Variants in ADAMTSL1 observed in about 807,000 individuals in gnomAD.
ADAMTSL1 encodes the protein ADAMTS-like protein 1.
In ADAMTSL1, 126 loss-of-function variants were observed where a neutral mutation model predicts 201.8. That is an observed-to-expected ratio of 0.62 (90% CI 0.54 to 0.72). The LOEUF is 0.72. Ranked by LOEUF, ADAMTSL1 falls within the 30% of genes least tolerant of loss-of-function variation. The pLI, the probability that ADAMTSL1 is intolerant of heterozygous loss-of-function variation, is 0.00. For missense variants in ADAMTSL1, 2,679 were observed against 2,277.8 expected, an observed-to-expected ratio of 1.18 and a Z score of -3.59; for synonymous variants, 1,121 against 903.4, an observed-to-expected ratio of 1.24 and a Z score of -4.32.
intron 1 of ADAMTSL1, among the ~76,000 whole-genome samples, chr9:18,006,405 T>G (rs565813071): frequency 6.6e-6 from 1 of 152,102 alleles, no homozygotes; most frequent in East Asian, 2.0e-4. Flanking sequence ...AGTTGGCCCT[T>G]TGGAGCTGGT....
Position 18,777,296 on chromosome 9 carries a change from G to T in ADAMTSL1, c.3067G>T (p.Asp1023Tyr). ...CGCCAACCCGGGGAGCCGCTACGAC[G>T]ACCTCGTCTCCCGGCTGCTGGAGCA... Reference protein sequence around the residue: ...LAANPGSRYDDLVSRLLEQGG... With the variant: ...LAANPGSRYDYLVSRLLEQGG... The change falls in exon 19 of 29, where the codon GAC becomes TAC. Residue 1023 changes from aspartate to tyrosine, a missense_variant. Coordinates refer to ENST00000380548, the MANE Select transcript of ADAMTSL1 (RefSeq NM_001040272.6). 1 of 1,605,758 alleles carries T rather than the reference G, an allele frequency of 6.2e-7. No homozygotes were observed. The highest frequency in any genetic ancestry group is 1.3e-5 in the African/African-American group (1 of 74,906).
At chr9:18,545,554 T>C (rs905287626) in intron 3 of ADAMTSL1, among the ~76,000 whole-genome samples, 3 of 152,178 alleles carry the variant, frequency 2.0e-5, no homozygotes, top group African/African-American at 7.2e-5. Context: ...GAATTTTTAA[T>C]GTGCAAATTA....
At chr9:18,888,295 T>A (rs1829029294) in intron 24 of ADAMTSL1, among the ~76,000 whole-genome samples, 1 of 152,234 alleles carries the variant, frequency 6.6e-6, no homozygotes, top group African/African-American at 2.4e-5. Flanking sequence ...CTTCTGCTTT[T>A]AATGCTGCTG....
At chr9:18,535,954 C>A (rs1413996504) in intron 3 of ADAMTSL1, among the ~76,000 whole-genome samples, 1 of 152,064 alleles carries the variant, frequency 6.6e-6, no homozygotes, top group Non-Finnish European at 1.5e-5. Context: ...ACAGCCAAAT[C>A]ATATCAGACT....
intron 26 of ADAMTSL1, among the ~76,000 whole-genome samples, chr9:18,895,510 C>T (rs1829574287): frequency 6.6e-6 from 1 of 150,694 alleles, no homozygotes; most frequent in South Asian, 2.1e-4. Flanking sequence ...GAACACAGAC[C>T]TGCAGACACC....
chr9:17,950,158 C>T (rs1324867557), intron 1 of ADAMTSL1, among the ~76,000 whole-genome samples: 6 of 152,186 alleles, frequency 3.9e-5, no homozygotes, highest in Admixed American at 1.3e-4. Flanking sequence ...CTGCCTGCCT[C>T]GGCCTCCTAA....
intron 15 of ADAMTSL1, among the ~76,000 whole-genome samples, chr9:18,725,832 T>C (rs1433816): frequency 2.0e-5 from 3 of 152,120 alleles, no homozygotes; most frequent in Non-Finnish European, 2.9e-5. Context: ...TATAAGAAGA[T>C]ATACAAATAG....
intron 7 of ADAMTSL1, among the ~76,000 whole-genome samples, chr9:18,644,718 C>G (rs1232700126): frequency 3.3e-5 from 5 of 151,966 alleles, no homozygotes; most frequent in Admixed American, 3.3e-4. Flanking sequence ...GACATGAACT[C>G]ATCATTTTTT....
chr9:18,482,785 A>G (rs72688609), intron 1 of ADAMTSL1, among the ~76,000 whole-genome samples: 16,453 of 152,240 alleles, frequency 0.11, 934 homozygotes, highest in Middle Eastern at 0.19. Flanking sequence ...AATGAAAAAG[A>G]TTAATGGAAA....
chr9:18,899,237 C>G (rs1829852533), intron 26 of ADAMTSL1, among the ~76,000 whole-genome samples: 1 of 152,036 alleles, frequency 6.6e-6, no homozygotes, highest in African/African-American at 2.4e-5. Flanking sequence ...ATACAGCAAA[C>G]AAGGGAAGTG....
chr9:18,740,798 A>G (rs1421297468), intron 15 of ADAMTSL1, among the ~76,000 whole-genome samples: 1 of 152,028 alleles, frequency 6.6e-6, no homozygotes, highest in Non-Finnish European at 1.5e-5. Context: ...TCTAGTCCTG[A>G]GCATGGGAAT....
At chr9:18,768,542 A>T (rs1042277169) in intron 16 of ADAMTSL1, among the ~76,000 whole-genome samples, 12 of 137,972 alleles carry the variant, frequency 8.7e-5, no homozygotes, top group Non-Finnish European at 1.8e-4. Flanking sequence ...TCAATGCTTC[A>T]ATGGGTAGGT....
At chr9:17,919,252 C>G (rs1365474578) in intron 1 of ADAMTSL1, among the ~76,000 whole-genome samples, 1 of 151,220 alleles carries the variant, frequency 6.6e-6, no homozygotes, top group Non-Finnish European at 1.5e-5. Context: ...TTCTAGTACA[C>G]TTCCTTTTTG....
chr9:18,277,117 T>C (rs1368786992), intron 2 of ADAMTSL1, among the ~76,000 whole-genome samples: 1 of 152,268 alleles, frequency 6.6e-6, no homozygotes, highest in East Asian at 1.9e-4. Context: ...ATACTTGATA[T>C]GATTTTCATC....
intron 4 of ADAMTSL1, among the ~76,000 whole-genome samples, chr9:18,600,184 T>G (rs1824547160): frequency 6.6e-6 from 1 of 152,124 alleles, no homozygotes; most frequent in Admixed American, 6.5e-5. Flanking sequence ...CCCCAAAGGC[T>G]ATATAGGCTA....
intron 1 of ADAMTSL1, among the ~76,000 whole-genome samples, chr9:18,044,472 T>G (rs1333259852): frequency 6.6e-6 from 1 of 152,148 alleles, no homozygotes; most frequent in East Asian, 1.9e-4. Flanking sequence ...CCAGTCTTCA[T>G]AACTCTTGGC....
chr9:18,206,718 C>T (rs1829662627), intron 2 of ADAMTSL1, among the ~76,000 whole-genome samples: 1 of 152,104 alleles, frequency 6.6e-6, no homozygotes, highest in African/African-American at 2.4e-5. Context: ...AATATGAATT[C>T]CTTATAAACA....
intron 2 of ADAMTSL1, among the ~76,000 whole-genome samples, chr9:18,336,687 C>T (rs1835256188): frequency 6.6e-6 from 1 of 152,040 alleles, no homozygotes. Flanking sequence ...CTTGCCCTGC[C>T]TGTGTACTAA....
intron 1 of ADAMTSL1, among the ~76,000 whole-genome samples, chr9:17,953,786 G>A (rs1196552146): frequency 6.6e-6 from 1 of 152,162 alleles, no homozygotes; most frequent in Non-Finnish European, 1.5e-5. Flanking sequence ...CCACCCCAAA[G>A]CTTAGTGGTT....
Sources: gnomAD v4.1 joint callset for allele counts (sites outside exome capture counted in the v4.1 genomes callset) on GRCh38, gnomAD v4.1.1 for gene constraint, MANE v1.5 for transcripts, NCBI Gene and HGNC (gene_info 2026-07-23, HGNC 2026-07-21) for gene names.